Variants in DNAH14 observed in about 807,000 individuals in gnomAD.
DNAH14 encodes dynein axonemal heavy chain 14.
DNAH14 carries 478 observed loss-of-function variants against 520.9 expected under a neutral mutation model. That is an observed-to-expected ratio of 0.92 (90% CI 0.85 to 0.99). DNAH14 has a LOEUF of 0.99. Among genes scored for constraint, DNAH14 ranks in the 50% least tolerant of loss-of-function variants. DNAH14 has a pLI of 0.00. For synonymous variants in DNAH14, 1,581 were observed against 1,757.2 expected, an observed-to-expected ratio of 0.90 and a Z score of 2.51; for missense variants, 4,831 against 5,234.5, an observed-to-expected ratio of 0.92 and a Z score of 2.38.
At chr1:224,957,425 G>A (rs748644122) in intron 3 of DNAH14, among the ~76,000 whole-genome samples, 4 of 152,080 alleles carry the variant, frequency 2.6e-5, no homozygotes, top group Non-Finnish European at 5.9e-5. Flanking sequence ...CTGAGGTGTT[G>A]TATTTGGGAA....
chr1:225,135,101 T>C (rs1008147783), intron 27 of DNAH14, among the ~76,000 whole-genome samples: 1 of 151,902 alleles, frequency 6.6e-6, no homozygotes, highest in African/African-American at 2.4e-5. Flanking sequence ...ATCTATTTTT[T>C]TTTAACAGCT....
chr1:225,212,301 A>G (rs536914253), intron 41 of DNAH14, among the ~76,000 whole-genome samples: 11 of 151,974 alleles, frequency 7.2e-5, no homozygotes, highest in Non-Finnish European at 5.9e-5. Context: ...AATCCAGTCT[A>G]TCATTGATGG....
chr1:225,186,091 G>T (rs1386237407), intron 37 of DNAH14, among the ~76,000 whole-genome samples: 1 of 150,976 alleles, frequency 6.6e-6, no homozygotes, highest in Non-Finnish European at 1.5e-5. Flanking sequence ...TGCCTACTTA[G>T]TCATGATATA....
chr1:225,356,017 ATG>A (rs767010981), intron 73 of DNAH14, among the ~76,000 whole-genome samples: 25 of 152,164 alleles, frequency 1.6e-4, no homozygotes, highest in Non-Finnish European at 3.4e-4. Context: ...ATGTTGTAGC[ATG>A]TGTCAGAATT....
intron 23 of DNAH14, among the ~76,000 whole-genome samples, chr1:225,110,162 G>T (rs1360280477): frequency 6.6e-6 from 1 of 151,894 alleles, no homozygotes; most frequent in Non-Finnish European, 1.5e-5. Flanking sequence ...ATGTGTCTTT[G>T]TCTGCTTTTA....
In DNAH14 at chr1:225,214,416, G is replaced by A. The variant is rs557171634; in HGVS notation, c.6439+7196G>A. On this transcript the variant is annotated intron_variant, in intron 41 of 85. Coordinates refer to ENST00000682510, the MANE Select transcript of DNAH14 (RefSeq NM_001367479.1). ...CAGCTTTGGTATCAGGATGATGCTG[G>A]CCTCATAAAATGAATTAGGGAGGAT... Among the ~76,000 whole-genome samples, 5 of 152,308 alleles carry A rather than the reference G, an allele frequency of 3.3e-5. No individual in the cohort carries two copies. In the South Asian group the frequency reaches 6.2e-4, roughly 19 times the overall value.
chr1:225,236,693 C>G (rs2091612831), intron 42 of DNAH14, among the ~76,000 whole-genome samples: 1 of 152,054 alleles, frequency 6.6e-6, no homozygotes, highest in Non-Finnish European at 1.5e-5. Context: ...CAAATTGAAC[C>G]CTATACCTGT....
chr1:224,968,980 G>A, intron 7 of DNAH14, 106 bp downstream of exon 7: 3 of 689,818 alleles, frequency 4.3e-6, no homozygotes, highest in South Asian at 2.2e-5. Context: ...GTAGAAAATA[G>A]TACTAATTCT....
Position 224,929,675 on chromosome 1 carries a change from G to A in DNAH14, c.-194G>A, listed in dbSNP as rs781537970. 5 of 702,350 alleles carry A rather than the reference G, an allele frequency of 7.1e-6. No individual in the cohort carries two copies. Among genetic ancestry groups the A allele is most frequent in the Non-Finnish European group, 1.3e-5 (5 of 384,876 alleles). 43.5% of individuals were successfully genotyped at this position (702,350 alleles called of 1,614,324 possible). A position where few individuals can be genotyped will look rare whatever the true frequency, so the allele number is the denominator to read the frequency against. On this transcript the variant is annotated 5_prime_UTR_variant, in exon 1 of 86. Coordinates refer to ENST00000682510, the MANE Select transcript of DNAH14 (RefSeq NM_001367479.1). The stretch of plus-strand genomic sequence containing the variant: ...CGCCAGGGCGCAGGCGTGGCTCTTG[G>A]TCAGGCGGTTACGGCCAGGAGGCGT...
chr1:225,231,312 CTAATA>C (rs141117014), intron 42 of DNAH14, among the ~76,000 whole-genome samples, 161 bp downstream of exon 42: 6,322 of 152,008 alleles, frequency 0.042, 196 homozygotes, highest in Middle Eastern at 0.058. Context: ...CTTTGTATAG[CTAATA>C]TAAGATCACC....
Position 225,344,424 on chromosome 1 carries a change from A to G in DNAH14, c.10679-1538A>G, listed in dbSNP as rs113175390. On this transcript the variant is annotated intron_variant, in intron 69 of 85. Coordinates refer to ENST00000682510, the MANE Select transcript of DNAH14 (RefSeq NM_001367479.1). ...GTTCCTGTATCTGTTGTTCCCCTCT[A>G]TGTGTCCATGTGTTCTCATCATTTA... Among the ~76,000 whole-genome samples, 876 of 151,938 alleles carry G rather than the reference A, an allele frequency of 5.8e-3. 2 individuals carry two copies. Among genetic ancestry groups the G allele is most frequent in the Non-Finnish European group, 0.01 (685 of 67,944 alleles).
chr1:225,184,380 G>A (rs952119521), intron 36 of DNAH14, among the ~76,000 whole-genome samples: 4 of 152,182 alleles, frequency 2.6e-5, no homozygotes, highest in Admixed American at 2.6e-4. Context: ...AAGACTTTGG[G>A]AGGCAGAGGT....
In DNAH14 at chr1:225,192,801, G is replaced by A; in HGVS notation, c.5776G>A (p.Asp1926Asn). ...GGATCCTAATACTATGGAATGGACT[G>A]ATGGATTATTATCAGCAACAATTCG... Reference protein sequence around the residue: ...QLDPNTMEWTDGLLSATIRSY... With the variant: ...QLDPNTMEWTNGLLSATIRSY... Residue 1926 changes from aspartate (D) to asparagine (N), a missense_variant, in exon 38 of 86, where the codon GAT becomes AAT. Asp to Asn is a conservative substitution (Grantham distance 23). Transcript: ENST00000682510. 6.5e-7 allele frequency: 1 copy of A among 1,550,192 alleles called. No individual in the cohort carries two copies. Among genetic ancestry groups the A allele is most frequent in the South Asian group, 1.2e-5 (1 of 84,024 alleles).
At chr1:225,110,491 C>T (rs929774250) in intron 23 of DNAH14, among the ~76,000 whole-genome samples, 41 of 151,570 alleles carry the variant, frequency 2.7e-4, no homozygotes, top group African/African-American at 9.9e-4. Flanking sequence ...CTCTAGTGAT[C>T]CTTTGAATTT....
At chr1:225,204,001 A>C (rs1444785810) in intron 38 of DNAH14, among the ~76,000 whole-genome samples, 182 bp from the exon 39 acceptor site, 3 of 152,204 alleles carry the variant, frequency 2.0e-5, no homozygotes, top group Non-Finnish European at 2.9e-5. Context: ...TTCCAAAGTA[A>C]ATAAGCTATA....
rs1314928550 is a variant in DNAH14 at position 225,374,264 on chromosome 1, A to ATTTTTT, written c.12319-423_12319-422insTTTTTT. ...TATATTTGTCTATATATATATATAT[A>ATTTTTT]TATATATTTTTTTTTGAGATAGAGT... On this transcript the variant is annotated intron_variant, in intron 77 of 85. Transcript: ENST00000682510. Among the ~76,000 whole-genome samples the ATTTTTT allele has an allele frequency of 1.3e-3, 87 of 66,386 alleles. 1 individual carries two copies. The highest frequency in any genetic ancestry group is 4.0e-3 in the African/African-American group (84 of 21,128). 43.6% of individuals were successfully genotyped at this position (66,386 alleles called of 152,430 possible). A position where few individuals can be genotyped will look rare whatever the true frequency, so the allele number is the denominator to read the frequency against.
intron 61 of DNAH14, among the ~76,000 whole-genome samples, chr1:225,319,972 A>C (rs1377045411): frequency 6.6e-6 from 1 of 152,248 alleles, no homozygotes; most frequent in Non-Finnish European, 1.5e-5. Flanking sequence ...AGATGACATT[A>C]GAGAAGTAAC....
intron 43 of DNAH14, among the ~76,000 whole-genome samples, chr1:225,245,241 C>T (rs1244413656): frequency 6.6e-6 from 1 of 152,056 alleles, no homozygotes; most frequent in African/African-American, 2.4e-5. Context: ...TTTGCATTTG[C>T]TGAGAGAGTG....
chr1:225,335,468 TGTG>T (rs2094949398), intron 66 of DNAH14, among the ~76,000 whole-genome samples: 1 of 95,496 alleles, frequency 1.0e-5, no homozygotes, highest in South Asian at 3.1e-4. Flanking sequence ...CGTGTGTACA[TGTG>T]TGTGTATGCA....
Sources: allele counts gnomAD v4.1 joint callset (sites outside exome capture counted in the v4.1 genomes callset), GRCh38; gene constraint gnomAD v4.1.1; transcripts MANE v1.5; gene names NCBI Gene and HGNC (gene_info 2026-07-23, HGNC 2026-07-21).